WIZ: variants seen among roughly 807,000 people sequenced by gnomAD.
WIZ encodes WIZ zinc finger.
Under a neutral mutation model 140.2 loss-of-function variants are expected in WIZ, and 25 were observed. The observed-to-expected ratio is 0.18, with a 90% CI of 0.13 to 0.25. The LOEUF (loss-of-function observed/expected upper bound fraction) is 0.25, where lower values mean the gene tolerates loss of function less well. Ranked by LOEUF, WIZ falls within the 10% of genes least tolerant of loss-of-function variation. The pLI is 1.00. For missense variants in WIZ, 2,231 were observed against 2,632.6 expected, an observed-to-expected ratio of 0.85 and a Z score of 3.34; for synonymous variants, 1,125 against 1,154.3, an observed-to-expected ratio of 0.97 and a Z score of 0.51.
chr19:15,425,346 G>A lies in WIZ; in HGVS notation c.4789C>T (p.Leu1597=). 1.3e-6 allele frequency: 2 copies of A among 1,559,574 alleles called. No homozygotes were observed. Among genetic ancestry groups the A allele is most frequent in the Non-Finnish European group, 1.7e-6 (2 of 1,152,090 alleles). ...GCTGGGAGGAGGCGGTCCTCCTGCA[G>A]GGGCCGCTTGGCTGCCACTGAGCCC... The part of the protein sequence containing the change: ...YLGSVAAKRP[L]QEDRLLPAEV... Residue 1597 remains leucine (L), a synonymous_variant, in exon 10 of 13, where the codon CTG becomes TTG. Transcript: ENST00000673675.
At position 15,428,834 on chromosome 19, in the gene WIZ, G is replaced by T. The variant is rs774839300; in HGVS notation, c.3416-326C>A. On this transcript the variant is annotated intron_variant, in intron 7 of 12. Transcript: ENST00000673675. The surrounding 1 kb of genome is among the most constrained non-coding windows in gnomAD (Gnocchi z 6.4). ...GGGCGATGGTGGCTGCTGGGCTCAC[G>T]CAGCCAAGGGCACACCTGCTCAAGG... is the stretch of plus-strand genomic sequence containing the variant. 2.6e-5 allele frequency among the ~76,000 whole-genome samples: 4 copies of T among 152,134 alleles called. No homozygotes were observed. The highest frequency in any genetic ancestry group is 7.2e-5 in the African/African-American group (3 of 41,416).
At position 15,425,705 on chromosome 19, in the gene WIZ, C is replaced by T. The variant is rs1472390602; in HGVS notation, c.4430G>A (p.Arg1477His). 2.5e-6 allele frequency: 4 copies of T among 1,612,236 alleles called. No individual in the cohort carries two copies. The highest frequency in any genetic ancestry group is 1.3e-5 in the African/African-American group (1 of 74,732). ...CEFCGEFFEN[R>H]KGLSSHARSH... ...GCGCGCGTGACTCGACAGGCCCTTG[C>T]GGTTCTCGAAGAACTCGCCGCAGAA... Residue 1477 changes from arginine to histidine, a missense_variant, in exon 10 of 13, where the codon CGC (arginine) becomes CAC (histidine). Coordinates refer to ENST00000673675, the MANE Select transcript of WIZ (RefSeq NM_001371589.1).
At chr19:15,423,532 G>C (rs1968509533) in intron 12 of WIZ, among the ~76,000 whole-genome samples, 1 of 152,188 alleles carries the variant, frequency 6.6e-6, no homozygotes, top group Admixed American at 6.5e-5. Context: ...CATAGAATCT[G>C]AGACAGTAGA....
In WIZ at chr19:15,425,461, T is replaced by C. The variant is rs1382955329; in HGVS notation, c.4674A>G (p.Pro1558=). The change falls in exon 10 of 13, where the codon CCA becomes CCG. Residue 1558 remains proline, a synonymous_variant. Transcript: ENST00000673675. Reference sequence around the variant, plus strand: ...GGGCCGGCCCTGCACCTGGTTTGCCTGGCCGGCCAGCCAGGGGCGACAGCG... The same window carrying C: ...GGGCCGGCCCTGCACCTGGTTTGCCCGGCCGGCCAGCCAGGGGCGACAGCG... ...PLPLSPLAGR[P]GKPGAGPAQV... is the part of the protein sequence containing the mutation. 1 of 1,590,294 alleles carries C rather than the reference T, an allele frequency of 6.3e-7. No individual in the cohort carries two copies. The highest frequency in any genetic ancestry group is 8.6e-7 in the Non-Finnish European group (1 of 1,168,250).
chr19:15,433,907 T>C (rs1253185152), intron 5 of WIZ, among the ~76,000 whole-genome samples: 1 of 152,222 alleles, frequency 6.6e-6, no homozygotes. Flanking sequence ...TGAGTGGGTC[T>C]GACTGAGCCC....
At position 15,424,301 on chromosome 19, in the gene WIZ, T is replaced by G. The variant is rs1303191563; in HGVS notation, c.5392A>C (p.Lys1798Gln). 1.3e-6 allele frequency: 2 copies of G among 1,597,110 alleles called. No individual in the cohort carries two copies. Among genetic ancestry groups the G allele is most frequent in the South Asian group, 2.2e-5 (2 of 89,566 alleles). ...GGEDTNDLQQ[K>Q]LEEVRQPPPR... ...GGGGGTTGCCGCACCTCCTCCAGCT[T>G]CTGCTGTAGGTCATTGGTGTCCTCG... The change falls in exon 12 of 13, where the codon AAG (lysine) becomes CAG (glutamine). Residue 1798 changes from lysine (K) to glutamine (Q), a missense_variant. By Grantham distance (53) the Lys-to-Gln change is moderately conservative (BLOSUM62 1). Transcript: ENST00000673675. The surrounding 1 kb of genome is among the most constrained non-coding windows in gnomAD (Gnocchi z 9.7).
At chr19:15,434,130 C>T (rs1229124491) in intron 5 of WIZ, among the ~76,000 whole-genome samples, 6 of 152,048 alleles carry the variant, frequency 3.9e-5, no homozygotes, top group South Asian at 4.2e-4. Flanking sequence ...TGGTGGTGGG[C>T]GCCTGTAATC....
chr19:15,441,070 T>C (rs954125279), intron 3 of WIZ, among the ~76,000 whole-genome samples: 5 of 152,168 alleles, frequency 3.3e-5, no homozygotes, highest in African/African-American at 1.2e-4. Context: ...GACCCAAGCC[T>C]CTCATCTGTG....
Position 15,424,843 on chromosome 19 carries a change from T to A in WIZ, c.5084A>T (p.Gln1695Leu), listed in dbSNP as rs780254871. The A allele has an allele frequency of 8.1e-6, 13 of 1,610,948 alleles. No individual in the cohort carries two copies. The highest frequency in any genetic ancestry group is 1.3e-5 in the African/African-American group (1 of 74,860). ...QKVGAYRSYI[Q>L]GGRPFTKKFR... ...CTTCTTGGTGAAGGGGCGGCCGCCC[T>A]GGATGTAGCTGCGGTAGGCGCCCAC... The change falls in exon 11 of 13, where the codon CAG becomes CTG. Residue 1695 changes from glutamine (Q) to leucine (L), a missense_variant. Physicochemically the swap from Gln to Leu is moderately radical, Grantham distance 113. This residue lies in a region of WIZ where 299 missense variants were observed against 309.6 expected (regional missense o/e 0.97). Coordinates refer to ENST00000673675, the MANE Select transcript of WIZ (RefSeq NM_001371589.1). This position sits in a 1 kb window ranked among gnomAD's most constrained non-coding sequence, Gnocchi z 9.7.
chr19:15,423,256 A>G, intron 12 of WIZ, 21 bp from the exon 13 acceptor site: 1 of 1,611,916 alleles, frequency 6.2e-7, no homozygotes, highest in Non-Finnish European at 8.5e-7. Flanking sequence ...GAACAGAGAG[A>G]GGGAGTGGCC....
rs1312221467 is a variant in WIZ, at chr19:15,424,796, G to A, written c.5131C>T (p.Arg1711Cys). The A allele has an allele frequency of 7.5e-6, 12 of 1,601,940 alleles. No homozygotes were observed. The highest frequency in any genetic ancestry group is 6.7e-5 in the South Asian group (6 of 89,400). ...AGGGACGGCCGCTTGTCACTGTCAC[G>A]GCCATGGCCGGCACTGCGGAACTTC... ...TKKFRSAGHGRDSDKRPSLGL... is the reference protein window; with the variant it reads ...TKKFRSAGHGCDSDKRPSLGL... The change falls in exon 11 of 13, where the codon CGT (arginine) becomes TGT (cysteine). Residue 1711 changes from arginine (R) to cysteine (C), a missense_variant. By Grantham distance (180) the Arg-to-Cys change is radical (BLOSUM62 -3). Around this residue, in one of 15 missense-constraint regions of WIZ, gnomAD observed 299 missense variants for 309.6 expected, o/e 0.97. Transcript: ENST00000673675. This position sits in a 1 kb window ranked among gnomAD's most constrained non-coding sequence, Gnocchi z 9.7.
intron 9 of WIZ, among the ~76,000 whole-genome samples, chr19:15,426,627 C>T (rs1264529744): frequency 6.6e-6 from 1 of 152,246 alleles, no homozygotes; most frequent in African/African-American, 2.4e-5. Flanking sequence ...TTCAGACGTT[C>T]ACTGCCAGTC....
Position 15,428,602 on chromosome 19 carries a change from T to A in WIZ, c.3416-94A>T. 6.8e-7 allele frequency: 1 copy of A among 1,470,616 alleles called. No homozygotes were observed. Among genetic ancestry groups the A allele is most frequent in the Non-Finnish European group, 9.1e-7 (1 of 1,095,846 alleles). The allele number at this position is 1,470,616 out of a possible 1,614,324, so 91.1% of individuals were successfully genotyped here. On this transcript the variant is annotated intron_variant, in intron 7 of 12. Coordinates refer to ENST00000673675, the MANE Select transcript of WIZ (RefSeq NM_001371589.1). This position sits in a 1 kb window ranked among gnomAD's most constrained non-coding sequence, Gnocchi z 6.4. ...AGGGTCTGGTGTGATTTTTGGCTGC[T>A]CAGGCAGTTGGGGGGTCCAAGACTC...
intron 5 of WIZ, chr19:15,433,084 G>C (rs1235957364): frequency 4.8e-6 from 1 of 209,020 alleles, no homozygotes; most frequent in African/African-American, 2.4e-5. Context: ...CCGACGGGCG[G>C]AGCTAGGACC....
chr19:15,429,382 G>A (rs1437148922), intron 7 of WIZ, among the ~76,000 whole-genome samples: 1 of 152,222 alleles, frequency 6.6e-6, no homozygotes, highest in African/African-American at 2.4e-5. Context: ...AAAGTAAAGT[G>A]GGAGGCACGA....
rs541232758 is a variant in WIZ, at chr19:15,442,078, T to C, written c.278+598A>G. 9.9e-5 allele frequency among the ~76,000 whole-genome samples: 15 copies of C among 151,412 alleles called. No homozygotes were observed. In the South Asian group the frequency reaches 1.9e-3, roughly 19 times the overall value. On this transcript the variant is annotated intron_variant, in intron 3 of 12. Coordinates refer to ENST00000673675, the MANE Select transcript of WIZ (RefSeq NM_001371589.1). This position sits in a 1 kb window ranked among gnomAD's most constrained non-coding sequence, Gnocchi z 5.5. ...GGCAGGTGCCTATAATCCCAGCTAC[T>C]GGGGAAGCTGAGGCAGGAGAATCGC...
chr19:15,425,503 G>C lies in WIZ; in HGVS notation c.4632C>G (p.Pro1544=). ...EDGPPTVAPG[P]VQSPLPLSPL... ...GCGACAGCGGCAGTGGGGACTGCAC[G>C]GGCCCAGGGGCCACGGTGGGAGGCC... Residue 1544 remains proline, a synonymous_variant, in exon 10 of 13, where the codon CCC becomes CCG. Transcript: ENST00000673675. 2 of 1,609,998 alleles carry C rather than the reference G, an allele frequency of 1.2e-6. No homozygotes were observed. The highest frequency in any genetic ancestry group is 8.5e-7 in the Non-Finnish European group (1 of 1,178,356).
rs1969990417 is a variant in WIZ, at chr19:15,448,292, C to G, written c.16G>C (p.Ala6Pro). The change falls in exon 2 of 13, where the codon GCA becomes CCA. Residue 6 changes from alanine to proline, a missense_variant. Ala to Pro is a conservative substitution (Grantham distance 27, BLOSUM62 -1). Coordinates refer to ENST00000673675, the MANE Select transcript of WIZ (RefSeq NM_001371589.1). ...CGATCTGGTGCAGCCAGGCTGCCTG[C>G]CAGAGACCCCTCCATCGGATTTTCT... is the stretch of plus-strand genomic sequence containing the variant. MEGSL[A>P]GSLAAPDRPQ... 6.2e-7 allele frequency: 1 copy of G among 1,612,542 alleles called. No individual in the cohort carries two copies. Among genetic ancestry groups the G allele is most frequent in the South Asian group, 1.1e-5 (1 of 91,078 alleles).
chr19:15,421,886 G>C lies in WIZ; in HGVS notation c.*1190C>G, dbSNP rs1468089657. 6.6e-6 allele frequency: 1 copy of C among 152,256 alleles called. No homozygotes were observed. Among genetic ancestry groups the C allele is most frequent in the African/African-American group, 2.4e-5 (1 of 41,446 alleles). 9.4% of individuals were successfully genotyped at this position (152,256 alleles called of 1,614,324 possible). ...GGAGCCGCTTTGCCAGCCAGCCAGA[G>C]ACCCCCTCCCAGCCATGGCCTAAAG... On this transcript the variant is annotated 3_prime_UTR_variant, in exon 13 of 13. Coordinates refer to ENST00000673675, the MANE Select transcript of WIZ (RefSeq NM_001371589.1).
Sources: gnomAD v4.1 joint callset for allele counts (sites outside exome capture counted in the v4.1 genomes callset) on GRCh38, gnomAD v4.1.1 for gene constraint, gnomAD v4.1.1 regional missense constraint, Gnocchi (gnomAD v3.1) non-coding constraint, MANE v1.5 for transcripts, NCBI Gene and HGNC (gene_info 2026-07-23, HGNC 2026-07-21) for gene names.